Variants in AGPAT2 observed in about 807,000 individuals in gnomAD.
The protein encoded by AGPAT2 is 1-acylglycerol-3-phosphate O-acyltransferase 2, also known as 1-acyl-sn-glycerol-3-phosphate acyltransferase beta.
Under a neutral mutation model 26.1 loss-of-function variants are expected in AGPAT2, and 18 were observed. The observed-to-expected ratio is 0.69, with a 90% CI of 0.48 to 1.02. The LOEUF is 1.02. Among genes scored for constraint, AGPAT2 ranks in the 50% least tolerant of loss-of-function variants. The pLI is 0.00. For missense variants in AGPAT2, 415 were observed against 394.9 expected (o/e 1.05, Z -0.43); for synonymous variants, 200 against 174.2 (o/e 1.15, Z -1.16).
In AGPAT2 at chr9:136,676,577, C is replaced by T; in HGVS notation, c.588+8G>A. 6.2e-7 allele frequency: 1 copy of T among 1,611,936 alleles called. No homozygotes were observed. Among genetic ancestry groups the T allele is most frequent in the East Asian group, 2.2e-5 (1 of 44,866 alleles). ...GCACCCACCCAGGGAGGGCTGGGCTCAGCCTACCTGTGCCTGGACTGCCAG... is the reference window on the plus strand; with the variant it reads ...GCACCCACCCAGGGAGGGCTGGGCTTAGCCTACCTGTGCCTGGACTGCCAG... On this transcript the variant is annotated splice_region_variant and intron_variant, in intron 4 of 5. Coordinates refer to ENST00000371696, the MANE Select transcript of AGPAT2 (RefSeq NM_006412.4).
intron 1 of AGPAT2, among the ~76,000 whole-genome samples, chr9:136,681,989 T>C (rs780528312): frequency 7.9e-5 from 12 of 152,126 alleles, no homozygotes; most frequent in Admixed American, 1.3e-4. Flanking sequence ...CTCCTTTTGT[T>C]CTGACAGTAA....
At chr9:136,683,458 C>T (rs969796042) in intron 1 of AGPAT2, among the ~76,000 whole-genome samples, 1 of 152,198 alleles carries the variant, frequency 6.6e-6, no homozygotes, top group Non-Finnish European at 1.5e-5. Context: ...TCTTCAGCTG[C>T]GTGAGCTCAT....
rs142417583 is a variant in AGPAT2, at chr9:136,673,780, G to A, written c.809C>T (p.Ala270Val). The A allele has an allele frequency of 1.1e-3, 1,830 of 1,602,004 alleles. 18 individuals carry two copies. In the African/African-American group the frequency reaches 0.022, roughly 19 times the overall value. Residue 270 changes from alanine (A) to valine (V), a missense_variant, in exon 6 of 6, where the codon GCG becomes GTG. Coordinates refer to ENST00000371696, the MANE Select transcript of AGPAT2 (RefSeq NM_006412.4). The part of the protein sequence containing the change: ...SKTPQENGAT[A>V]GSGVQPAQ ...CTGGGCCGGCTGCACGCCAGACCCC[G>A]CAGTGGCCCCGTTCTCCTGGGGGGT...
chr9:136,680,839 G>A (rs1390084586), intron 1 of AGPAT2, among the ~76,000 whole-genome samples: 3 of 151,286 alleles, frequency 2.0e-5, no homozygotes, highest in Non-Finnish European at 4.4e-5. Context: ...GCTAATTTTT[G>A]TATTTTTAGT....
At chr9:136,682,636 G>A (rs185917980) in intron 1 of AGPAT2, among the ~76,000 whole-genome samples, 1 of 152,352 alleles carries the variant, frequency 6.6e-6, no homozygotes, top group Non-Finnish European at 1.5e-5. Context: ...GAGCAGCCCA[G>A]CACCCAAAAC....
chr9:136,675,339 G>A (rs1384661390), intron 4 of AGPAT2, among the ~76,000 whole-genome samples: 1 of 136,720 alleles, frequency 7.3e-6, no homozygotes, highest in African/African-American at 2.7e-5. Flanking sequence ...AGGTAGGCTG[G>A]GGACTGGCAG....
intron 1 of AGPAT2, among the ~76,000 whole-genome samples, chr9:136,681,521 G>A (rs1344585905): frequency 6.6e-6 from 1 of 152,236 alleles, no homozygotes; most frequent in East Asian, 1.9e-4. Flanking sequence ...AGCGGTTCCT[G>A]GATGGGCGGG....
intron 1 of AGPAT2, among the ~76,000 whole-genome samples, chr9:136,681,321 C>G (rs1385842172): frequency 6.6e-6 from 1 of 152,186 alleles, no homozygotes; most frequent in Non-Finnish European, 1.5e-5. Context: ...CTCTAGAACT[C>G]TGCAGCCCAC....
intron 1 of AGPAT2, among the ~76,000 whole-genome samples, chr9:136,679,473 C>T (rs112044861): frequency 3.3e-5 from 5 of 152,240 alleles, no homozygotes; most frequent in African/African-American, 9.6e-5. Flanking sequence ...CTCCAGGCCG[C>T]GCCGGCCACC....
At chr9:136,678,827 C>T (rs914142281) in intron 1 of AGPAT2, among the ~76,000 whole-genome samples, 2 of 145,832 alleles carry the variant, frequency 1.4e-5, no homozygotes, top group Non-Finnish European at 3.1e-5. Context: ...GTGTCACAAT[C>T]TGGGCTCACT....
intron 1 of AGPAT2, among the ~76,000 whole-genome samples, chr9:136,679,659 G>A (rs1846136420): frequency 6.6e-6 from 1 of 152,228 alleles, no homozygotes; most frequent in East Asian, 1.9e-4. Context: ...ACACAGAACT[G>A]TCTGGTGCTA....
intron 1 of AGPAT2, among the ~76,000 whole-genome samples, chr9:136,682,772 G>A (rs924451546): frequency 3.9e-5 from 6 of 152,126 alleles, no homozygotes; most frequent in African/African-American, 9.7e-5. Flanking sequence ...CACTGGCCTC[G>A]AGCGAAGCCC....
In AGPAT2 at chr9:136,677,141, G is replaced by A. The variant is rs752836564; in HGVS notation, c.317-5C>T. On this transcript the variant is annotated splice_polypyrimidine_tract_variant and splice_region_variant and intron_variant, in intron 2 of 5. Coordinates refer to ENST00000371696, the MANE Select transcript of AGPAT2 (RefSeq NM_006412.4). ...CCGGAAGGACCTCCATGAGGCCTGGGAGACAGAGAGACAGAGACAGAGAGA... is the reference window on the plus strand; with the variant it reads ...CCGGAAGGACCTCCATGAGGCCTGGAAGACAGAGAGACAGAGACAGAGAGA... 6.2e-7 allele frequency: 1 copy of A among 1,612,636 alleles called. No individual in the cohort carries two copies. Among genetic ancestry groups the A allele is most frequent in the South Asian group, 1.1e-5 (1 of 91,056 alleles).
At chr9:136,684,355 G>A (rs146767024) in intron 1 of AGPAT2, among the ~76,000 whole-genome samples, 1,556 of 152,266 alleles carry the variant, frequency 0.01, 32 homozygotes, top group African/African-American at 0.036. Flanking sequence ...GTGAGGAAAC[G>A]TCCCCTGCAG....
chr9:136,684,273 G>C (rs765533697), intron 1 of AGPAT2, among the ~76,000 whole-genome samples: 2 of 152,236 alleles, frequency 1.3e-5, no homozygotes, highest in Non-Finnish European at 2.9e-5. Flanking sequence ...GCTGAACCCA[G>C]CTGTAGGACA....
At chr9:136,687,099 G>A (rs768523062) in intron 1 of AGPAT2, 77 bp downstream of exon 1, 10 of 1,464,914 alleles carry the variant, frequency 6.8e-6, no homozygotes, top group Non-Finnish European at 9.1e-6. Context: ...CAGGAAGGAG[G>A]GAAGCCCAGA....
intron 1 of AGPAT2, among the ~76,000 whole-genome samples, chr9:136,685,428 C>T (rs1474659596): frequency 6.6e-6 from 1 of 152,214 alleles, no homozygotes; most frequent in African/African-American, 2.4e-5. Flanking sequence ...TGATTTGGTC[C>T]CTGGAAAACA....
rs1252921836 is a variant in AGPAT2 at position 136,687,172 on chromosome 9, T to G, written c.182+4A>C. On this transcript the variant is annotated splice_donor_region_variant and intron_variant, in intron 1 of 5. Transcript: ENST00000371696. ...CGGCCCCTCCCGGCGGCCCCCGGCC[T>G]TGCCTCATGTTCTCCACCGTCCGGC... The G allele has an allele frequency of 1.3e-6, 2 of 1,585,018 alleles. No individual in the cohort carries two copies. Among genetic ancestry groups the G allele is most frequent in the African/African-American group, 2.8e-5 (2 of 72,176 alleles).
chr9:136,686,126 G>A lies in AGPAT2; in HGVS notation c.182+1050C>T, dbSNP rs555264432. Reference sequence around the variant, plus strand: ...ATATTCCTGGAGCTTCTGGGGCTCCGTTGGAAGCCATGACTGTAGGCCCGT... The same window carrying A: ...ATATTCCTGGAGCTTCTGGGGCTCCATTGGAAGCCATGACTGTAGGCCCGT... On this transcript the variant is annotated intron_variant, in intron 1 of 5. Coordinates refer to ENST00000371696, the MANE Select transcript of AGPAT2 (RefSeq NM_006412.4). Among the ~76,000 whole-genome samples the A allele has an allele frequency of 5.9e-5, 9 of 152,314 alleles. No homozygotes were observed. In the South Asian group the frequency reaches 1.2e-3, roughly 21 times the overall value.
Sources: gnomAD v4.1 joint callset for allele counts (sites outside exome capture counted in the v4.1 genomes callset) on GRCh38, gnomAD v4.1.1 for gene constraint, MANE v1.5 for transcripts, NCBI Gene and HGNC (gene_info 2026-07-23, HGNC 2026-07-21) for gene names.